Variants in LNX1 observed in about 807,000 individuals in gnomAD.
LNX1 encodes the protein E3 ubiquitin-protein ligase LNX.
A neutral mutation model predicts 68.4 loss-of-function variants in LNX1; 54 were observed. That is an observed-to-expected ratio of 0.79 (90% confidence interval 0.63 to 0.99). LNX1 has a LOEUF of 0.99. Ranked by LOEUF, LNX1 falls within the 50% of genes least tolerant of loss-of-function variation. LNX1 has a pLI of 0.00. For synonymous variants in LNX1, 336 were observed against 350.0 expected (o/e 0.96, Z 0.45); for missense variants, 906 against 926.4 (o/e 0.98, Z 0.29).
chr4:53,622,445 G>A (rs777031736), upstream of LNX1, among the ~76,000 whole-genome samples: 21 of 152,136 alleles, frequency 1.4e-4, no homozygotes, highest in Non-Finnish European at 2.6e-4. Flanking sequence ...CACACATGAA[G>A]TGTGTCAACC....
At chr4:53,474,106 C>A (rs941588186) in intron 9 of LNX1, among the ~76,000 whole-genome samples, 1 of 152,178 alleles carries the variant, frequency 6.6e-6, no homozygotes, top group African/African-American at 2.4e-5. Flanking sequence ...ATCCAGGCAA[C>A]CTGGCGCATG....
At chr4:53,607,349 A>AATC (rs1165472564) in intron 2 of LNX1, among the ~76,000 whole-genome samples, 4 of 152,216 alleles carry the variant, frequency 2.6e-5, no homozygotes, top group Non-Finnish European at 5.9e-5. Flanking sequence ...TTGAGAATGC[A>AATC]ATCTCATTCA....
chr4:53,462,249 C>T (rs184094570), intron 9 of LNX1, among the ~76,000 whole-genome samples: 1 of 152,164 alleles, frequency 6.6e-6, no homozygotes, highest in Non-Finnish European at 1.5e-5. Flanking sequence ...AGGAAAGGCC[C>T]AGCTCTTCTG....
At chr4:53,551,025 A>G (rs1049214254) in intron 2 of LNX1, among the ~76,000 whole-genome samples, 3 of 152,114 alleles carry the variant, frequency 2.0e-5, no homozygotes, top group African/African-American at 7.2e-5. Flanking sequence ...AAGTCTGTGC[A>G]GTTTGTCAGA....
chr4:53,649,901 A>T (rs2590778), intron 1 of LNX1, among the ~76,000 whole-genome samples: 129,551 of 152,198 alleles, frequency 0.85, 55,619 homozygotes, highest in African/African-American at 0.97. Context: ...AAGCACCTGG[A>T]ACCTCGTAAG....
At chr4:53,587,983 TTGGCCCTCAACG>T (rs1577764564) in intron 1 of LNX1, among the ~76,000 whole-genome samples, 1 of 152,324 alleles carries the variant, frequency 6.6e-6, no homozygotes, top group East Asian at 1.9e-4. Context: ...TGCTCAGTCT[TTGGCCCTCAACG>T]TACTACCGTT....
chr4:53,611,021 T>C (rs1240178064), intron 2 of LNX1, among the ~76,000 whole-genome samples: 1 of 152,024 alleles, frequency 6.6e-6, no homozygotes, highest in African/African-American at 2.4e-5. Context: ...TAGCAAATTT[T>C]AAAACTGGAA....
At chr4:53,528,856 G>A (rs779839797) in intron 2 of LNX1, among the ~76,000 whole-genome samples, 1 of 152,222 alleles carries the variant, frequency 6.6e-6, no homozygotes, top group Non-Finnish European at 1.5e-5. Context: ...ATAGCCAAAG[G>A]TATTGGCTCT....
chr4:53,643,616 A>G (rs567344945), intron 1 of LNX1, among the ~76,000 whole-genome samples: 1 of 152,078 alleles, frequency 6.6e-6, no homozygotes, highest in East Asian at 1.9e-4. Context: ...GCTGCCCAAG[A>G]CCTCTCGCCC....
At chr4:53,620,179 A>G (rs190495189), upstream of LNX1, among the ~76,000 whole-genome samples, 20 of 152,304 alleles carry the variant, frequency 1.3e-4, no homozygotes, top group East Asian at 3.7e-3. Flanking sequence ...TCTATCTGTC[A>G]TCTGTCTATT....
chr4:53,551,012 A>G (rs772219387), intron 2 of LNX1, among the ~76,000 whole-genome samples: 2 of 152,196 alleles, frequency 1.3e-5, no homozygotes, highest in Non-Finnish European at 2.9e-5. Flanking sequence ...TTCTTGTTGC[A>G]TGAAGTCTGT....
chr4:53,519,165 C>T (rs1727020963), intron 2 of LNX1, among the ~76,000 whole-genome samples: 1 of 152,220 alleles, frequency 6.6e-6, no homozygotes, highest in Admixed American at 6.5e-5. Flanking sequence ...CAAACACAGG[C>T]AGCAAGCATC....
At position 53,496,023 on chromosome 4, in the gene LNX1, C is replaced by G. The variant is rs199501887; in HGVS notation, c.1350G>C (p.Gln450His). ...GSPESAAHLI[Q>H]ASERRVHLVV... ...GATCCTGGAATGACCTCTGACTCAC[C>G]TGAATCAGATGAGCCGCACTTTCTG... The change falls in exon 6 of 11, where the codon CAG becomes CAC. Residue 450 changes from glutamine (Q) to histidine (H), a missense_variant and splice_region_variant. Transcript: ENST00000263925. 6.2e-7 allele frequency: 1 copy of G among 1,610,960 alleles called. No individual in the cohort carries two copies. Among genetic ancestry groups the G allele is most frequent in the East Asian group, 2.2e-5 (1 of 44,838 alleles).
At chr4:53,498,560 C>T in intron 5 of LNX1, 81 bp downstream of exon 5, 2 of 930,058 alleles carry the variant, frequency 2.2e-6, no homozygotes, top group Middle Eastern at 2.2e-4. Context: ...CTCATTCATC[C>T]ATCCATCTAT....
At chr4:53,576,107 G>A (rs1246879623) in intron 1 of LNX1, 33 of 1,551,554 alleles carry the variant, frequency 2.1e-5, no homozygotes, top group Non-Finnish European at 2.8e-5. Flanking sequence ...GTGGTATTTG[G>A]GAGCCAGCGG....
chr4:53,496,226 T>A lies in LNX1; in HGVS notation c.1147A>T (p.Ile383Phe). 1 of 1,614,122 alleles carries A rather than the reference T, an allele frequency of 6.2e-7. No individual in the cohort carries two copies. Among genetic ancestry groups the A allele is most frequent in the Non-Finnish European group, 8.5e-7 (1 of 1,180,010 alleles). ...YRPRDDSFHVILNKSSPEEQL... is the reference protein window; with the variant it reads ...YRPRDDSFHVFLNKSSPEEQL... Reference sequence around the variant, plus strand: ...TCCTCGGGGCTACTTTTGTTGAGAATCACATGAAAGCTGTCATCTCGGGGT... The same window carrying A: ...TCCTCGGGGCTACTTTTGTTGAGAAACACATGAAAGCTGTCATCTCGGGGT... The change falls in exon 6 of 11, where the codon ATT becomes TTT. Residue 383 changes from isoleucine to phenylalanine, a missense_variant. Ile to Phe is a conservative substitution (Grantham distance 21, BLOSUM62 0). Coordinates refer to ENST00000263925, the MANE Select transcript of LNX1 (RefSeq NM_001126328.3).
At chr4:53,538,923 C>T (rs1728562780) in intron 2 of LNX1, among the ~76,000 whole-genome samples, 1 of 152,190 alleles carries the variant, frequency 6.6e-6, no homozygotes, top group African/African-American at 2.4e-5. Flanking sequence ...AGGGAACAAG[C>T]CAAATGGCCG....
In LNX1 at chr4:53,508,070, C is replaced by G; in HGVS notation, c.538G>C (p.Asp180His). 6.2e-7 allele frequency: 1 copy of G among 1,614,170 alleles called. No homozygotes were observed. Residue 180 changes from aspartate (D) to histidine (H), a missense_variant, in exon 3 of 11, where the codon GAC becomes CAC. Transcript: ENST00000263925. ...ISLMTDEPGL[D>H]NPAYVSSAED... Reference sequence around the variant, plus strand: ...GCCGAGGACACGTAGGCAGGGTTGTCTAGGCCAGGCTCGTCTGTCATTAAG... The same window carrying G: ...GCCGAGGACACGTAGGCAGGGTTGTGTAGGCCAGGCTCGTCTGTCATTAAG...
At chr4:53,625,627 T>C (rs1409202709) in intron 1 of LNX1, among the ~76,000 whole-genome samples, 1 of 151,992 alleles carries the variant, frequency 6.6e-6, no homozygotes, top group East Asian at 1.9e-4. Context: ...TGACACCCTG[T>C]CTCTACAAAA....
Sources: gnomAD v4.1 joint callset for allele counts (sites outside exome capture counted in the v4.1 genomes callset) on GRCh38, gnomAD v4.1.1 for gene constraint, MANE v1.5 for transcripts, NCBI Gene and HGNC (gene_info 2026-07-23, HGNC 2026-07-21) for gene names.